Variants in ABCD4 observed in about 807,000 individuals in gnomAD.
The protein encoded by ABCD4 is ATP binding cassette subfamily D member 4, also known as lysosomal cobalamin transporter ABCD4.
Under a neutral mutation model 86.3 loss-of-function variants are expected in ABCD4, and 53 were observed. That is an observed-to-expected ratio of 0.61 (90% CI 0.49 to 0.77). The LOEUF is 0.77. Ranked by LOEUF, ABCD4 falls within the 30% of genes least tolerant of loss-of-function variation. The probability of loss-of-function intolerance (pLI) is 0.00; values close to 1 mark genes in which losing one functional copy is unlikely to be tolerated. For missense variants in ABCD4, 757 were observed against 764.5 expected (o/e 0.99, Z 0.12); for synonymous variants, 328 against 313.6 (o/e 1.05, Z -0.49).
chr14:74,288,057 T>C (rs1287100511), intron 16 of ABCD4, 150 bp downstream of exon 16: 1 of 1,081,612 alleles, frequency 9.2e-7, no homozygotes, highest in Non-Finnish European at 1.4e-6. Context: ...GAGGCAAAAC[T>C]CTGTTCCCAA....
In ABCD4 at chr14:74,302,919, AGACCC is replaced by A; in HGVS notation, c.-12_-8del. 1 of 1,607,716 alleles carries A rather than the reference AGACCC, an allele frequency of 6.2e-7. No individual in the cohort carries two copies. Among genetic ancestry groups the A allele is most frequent in the Non-Finnish European group, 8.5e-7 (1 of 1,177,366 alleles). On this transcript the variant is annotated 5_prime_UTR_variant, in exon 1 of 19. Transcript: ENST00000356924. ...CGGGCCCCGCGACCGCCATGACCTG[AGACCC>A]GAGGGACTCTGGAGCCCAGCTGCCC... is the stretch of plus-strand genomic sequence containing the variant.
At position 74,292,349 on chromosome 14, in the gene ABCD4, C is replaced by T. The variant is rs542032495; in HGVS notation, c.1056G>A (p.Leu352=). 47 of 1,614,132 alleles carry T rather than the reference C, an allele frequency of 2.9e-5. 1 individual carries two copies. In the Middle Eastern group the frequency reaches 4.9e-4, roughly 17 times the overall value. ...AGTCCTGTGACTTCAGGGACATGTC[C>T]AGAAGCGTCTCCCGAAGCTGCCCAA... ...HRIGQLRETL[L]DMSLKSQDCE... The change falls in exon 11 of 19, where the codon CTG becomes CTA. Residue 352 remains leucine, a synonymous_variant. Coordinates refer to ENST00000356924, the MANE Select transcript of ABCD4 (RefSeq NM_005050.4).
chr14:74,299,682 G>A lies in ABCD4; in HGVS notation c.158-7C>T. The A allele has an allele frequency of 2.5e-6, 4 of 1,609,134 alleles. No individual in the cohort carries two copies. Among genetic ancestry groups the A allele is most frequent in the Middle Eastern group, 1.7e-4 (1 of 6,048 alleles). On this transcript the variant is annotated splice_region_variant and splice_polypyrimidine_tract_variant and intron_variant, in intron 2 of 18. Transcript: ENST00000356924. ...TGGTAGATCACAAATTGCTCTGAAAGGAGGGAGAGGAGTAAGAAATCAGTG... is the reference window on the plus strand; with the variant it reads ...TGGTAGATCACAAATTGCTCTGAAAAGAGGGAGAGGAGTAAGAAATCAGTG...
intron 11 of ABCD4, 81 bp from the exon 12 acceptor site, chr14:74,290,580 ACCACCT>A: frequency 9.2e-7 from 1 of 1,086,872 alleles, no homozygotes; most frequent in Non-Finnish European, 1.4e-6. Flanking sequence ...CCCGGGAGCC[ACCACCT>A]GTGGATTATT....
At position 74,293,186 on chromosome 14, in the gene ABCD4, C is replaced by T; in HGVS notation, c.782G>A (p.Arg261Lys). 6.2e-7 allele frequency: 1 copy of T among 1,614,200 alleles called. No homozygotes were observed. The highest frequency in any genetic ancestry group is 8.5e-7 in the Non-Finnish European group (1 of 1,180,036). Residue 261 changes from arginine to lysine, a missense_variant, in exon 8 of 19, where the codon AGG becomes AAG. Arg to Lys is a conservative substitution (Grantham distance 26, BLOSUM62 2). Coordinates refer to ENST00000356924, the MANE Select transcript of ABCD4 (RefSeq NM_005050.4). ...RRLQRLLQTQRELMSKELWLY... is the reference protein window; with the variant it reads ...RRLQRLLQTQKELMSKELWLY... ...CCAGAGCTCCTTGGACATCAGCTCC[C>T]TCTGGGTCTGAAGGAGTCTCTGCAG... is the stretch of plus-strand genomic sequence containing the variant.
At chr14:74,291,619 T>C (rs935704269) in intron 11 of ABCD4, among the ~76,000 whole-genome samples, 4 of 152,184 alleles carry the variant, frequency 2.6e-5, no homozygotes, top group Admixed American at 2.0e-4. Context: ...TCTGCACTCA[T>C]GGTTGCATGA....
chr14:74,300,155 A>C lies in ABCD4; in HGVS notation c.152T>G (p.Leu51Arg), dbSNP rs765050992. ...GTCTGGGCTCACTCACTCACCCAGT[A>C]GGGTCAGGCACAAAAGGGTCAGGAA... ...LMFLTLLCLT[L>R]LEQFVIYQVG... The change falls in exon 2 of 19, where the codon CTA becomes CGA. Residue 51 changes from leucine (L) to arginine (R), a missense_variant. By Grantham distance (102) the Leu-to-Arg change is moderately radical (BLOSUM62 -2). Coordinates refer to ENST00000356924, the MANE Select transcript of ABCD4 (RefSeq NM_005050.4). The C allele has an allele frequency of 6.2e-7, 1 of 1,605,142 alleles. No homozygotes were observed. The highest frequency in any genetic ancestry group is 2.2e-5 in the East Asian group (1 of 44,590).
intron 8 of ABCD4, 111 bp from the exon 9 acceptor site, chr14:74,292,980 ATCC>A: frequency 6.5e-7 from 1 of 1,542,000 alleles, no homozygotes; most frequent in Non-Finnish European, 8.8e-7. Flanking sequence ...GACTCTCTGG[ATCC>A]TCATTCTCCT....
rs374456797 is a variant in ABCD4 at position 74,290,099 on chromosome 14, C to T, written c.1347G>A (p.Thr449=). Residue 449 remains threonine, a synonymous_variant, in exon 13 of 19, where the codon ACG becomes ACA. Transcript: ENST00000356924. ...TSTRGSVQML[T]DFGPHGVLFL... ...ATAGCACCCCATGGGGCCCAAAGTC[C>T]GTCAGCATCTGCACTGAGCCTGCAG... The T allele has an allele frequency of 2.5e-6, 4 of 1,614,096 alleles. No individual in the cohort carries two copies. The highest frequency in any genetic ancestry group is 2.7e-5 in the African/African-American group (2 of 75,014).
At chr14:74,297,782 C>T in intron 4 of ABCD4, 148 bp downstream of exon 4, 1 of 1,406,976 alleles carries the variant, frequency 7.1e-7, no homozygotes, top group Non-Finnish European at 9.3e-7. Context: ...GAGTCCTCTG[C>T]AGGGCACCCT....
Position 74,297,934 on chromosome 14 carries a change from T to C in ABCD4, c.421A>G (p.Asn141Asp). The change falls in exon 4 of 19, where the codon AAC becomes GAC. Residue 141 changes from asparagine to aspartate, a missense_variant. Physicochemically the swap from Asn to Asp is conservative, Grantham distance 23. Transcript: ENST00000356924. The stretch of plus-strand genomic sequence containing the variant: ...GGACTGAGTTGGGGCGCCTACGGGT[T>C]ATCGATGTCATCCCGCAGCACGTTG... ...TLNVLRDDID[N>D]PDQRISQDVE... 1.9e-6 allele frequency: 3 copies of C among 1,613,040 alleles called. No homozygotes were observed. The highest frequency in any genetic ancestry group is 2.5e-6 in the Non-Finnish European group (3 of 1,179,666).
intron 14 of ABCD4, chr14:74,289,197 AG>A (rs1189139537): frequency 7.8e-7 from 1 of 1,277,792 alleles, no homozygotes; most frequent in African/African-American, 1.5e-5. Flanking sequence ...TGCTGGGCGA[AG>A]GCTTTGAAAC....
rs756789509 is a variant in ABCD4, at chr14:74,299,535, G to A, written c.285+13C>T. The A allele has an allele frequency of 9.3e-6, 15 of 1,612,670 alleles. No homozygotes were observed. The highest frequency in any genetic ancestry group is 5.5e-5 in the South Asian group (5 of 91,054). ...GAGAGGACGAGAGACACAGAGAGAG[G>A]GAAAGATCTTACCGTGGAGTTCAGA... On this transcript the variant is annotated intron_variant, in intron 3 of 18. Transcript: ENST00000356924.
intron 7 of ABCD4, chr14:74,293,554 T>G (rs2082099867): frequency 3.6e-6 from 1 of 277,558 alleles, no homozygotes; most frequent in African/African-American, 2.2e-5. Context: ...ATCTATAAAA[T>G]GGAGCCAATA....
intron 13 of ABCD4, chr14:74,289,747 G>A (rs2007667828): frequency 2.8e-6 from 4 of 1,434,502 alleles, no homozygotes; most frequent in African/African-American, 1.4e-5. Flanking sequence ...CTGAGGGCAG[G>A]GGCCCCAGAA....
chr14:74,289,558 A>G, intron 13 of ABCD4, 39 bp from the exon 14 acceptor site: 1 of 1,610,490 alleles, frequency 6.2e-7, no homozygotes, highest in Non-Finnish European at 8.5e-7. Context: ...TAGGAGGGCG[A>G]GCAAAAGACG....
At chr14:74,287,951 T>C (rs1392472673) in intron 16 of ABCD4, 65 bp from the exon 17 acceptor site, 1 of 1,445,684 alleles carries the variant, frequency 6.9e-7, no homozygotes, top group Non-Finnish European at 9.6e-7. Flanking sequence ...TTACCTAGAA[T>C]GGTCTGGGTA....
At chr14:74,295,090 T>A (rs2082495139) in intron 7 of ABCD4, 58 bp downstream of exon 7, 2 of 1,597,160 alleles carry the variant, frequency 1.3e-6, no homozygotes, top group African/African-American at 2.7e-5. Context: ...GGATTCATCT[T>A]TCCTTCTCCA....
At chr14:74,289,418 A>G (rs2080831319) in intron 14 of ABCD4, 65 bp downstream of exon 14, 2 of 1,604,094 alleles carry the variant, frequency 1.2e-6, no homozygotes, top group Non-Finnish European at 1.7e-6. Flanking sequence ...ATGAGGCCAC[A>G]GTCAGGTAGA....
Sources: gnomAD v4.1 joint callset for allele counts (sites outside exome capture counted in the v4.1 genomes callset) on GRCh38, gnomAD v4.1.1 for gene constraint, MANE v1.5 for transcripts, NCBI Gene and HGNC (gene_info 2026-07-23, HGNC 2026-07-21) for gene names.